The following PCDH7 variants were observed in gnomAD, a reference collection of about 807,000 sequenced individuals.
PCDH7 encodes the protein protocadherin 7, also known as protocadherin-7.
In PCDH7, 17 loss-of-function variants were observed where a neutral mutation model predicts 58.9. The observed-to-expected ratio is 0.29, with a 90% CI of 0.20 to 0.43. The LOEUF is 0.43. Ranked by LOEUF, PCDH7 falls within the 20% of genes least tolerant of loss-of-function variation. PCDH7 has a pLI of 1.00. For missense variants in PCDH7, 1,274 were observed against 1,441.0 expected (o/e 0.88, Z 1.88); for synonymous variants, 664 against 616.4 (o/e 1.08, Z -1.14).
intron 1 of PCDH7, among the ~76,000 whole-genome samples, chr4:30,748,753 C>T (rs116476359): frequency 0.016 from 2,507 of 152,196 alleles, 33 homozygotes; most frequent in South Asian, 0.032. Flanking sequence ...GTGATATTGG[C>T]CATTCAGGGG....
chr4:30,905,881 C>T (rs528441603), intron 1 of PCDH7, among the ~76,000 whole-genome samples: 2 of 152,292 alleles, frequency 1.3e-5, no homozygotes, highest in African/African-American at 2.4e-5. Flanking sequence ...TAAATGAGAT[C>T]TTGCAGCCTT....
intron 3 of PCDH7, among the ~76,000 whole-genome samples, chr4:31,139,572 A>G (rs912445940): frequency 3.3e-5 from 5 of 152,254 alleles, no homozygotes; most frequent in Non-Finnish European, 2.9e-5. Flanking sequence ...AAGATCCTGC[A>G]TAAATTTTGT....
At chr4:30,779,857 G>A (rs1722561908) in intron 1 of PCDH7, among the ~76,000 whole-genome samples, 1 of 152,058 alleles carries the variant, frequency 6.6e-6, no homozygotes, top group Non-Finnish European at 1.5e-5. Context: ...CAATTTTAGT[G>A]TCATTTAAGG....
intron 3 of PCDH7, among the ~76,000 whole-genome samples, chr4:31,068,215 T>TA (rs760599890): frequency 1.3e-5 from 2 of 151,530 alleles, no homozygotes; most frequent in Non-Finnish European, 2.9e-5. Flanking sequence ...AAGTAGATAA[T>TA]ACAGGAGTAG....
chr4:30,921,876 A>G (rs1215056019), intron 2 of PCDH7, among the ~76,000 whole-genome samples: 1 of 151,870 alleles, frequency 6.6e-6, no homozygotes, highest in Non-Finnish European at 1.5e-5. Context: ...ATACTATGTA[A>G]TTACATATGT....
downstream of PCDH7, among the ~76,000 whole-genome samples, chr4:30,733,421 C>A (rs773627091): frequency 6.6e-5 from 10 of 151,956 alleles, no homozygotes; most frequent in Non-Finnish European, 1.3e-4. Flanking sequence ...AAGATGATAA[C>A]AGGGCAGAAA....
chr4:31,089,460 G>C (rs138116481), intron 3 of PCDH7, among the ~76,000 whole-genome samples: 247 of 152,016 alleles, frequency 1.6e-3, no homozygotes, highest in African/African-American at 5.6e-3. Context: ...ACTTTTGTGT[G>C]AAGCTGGGTA....
intron 3 of PCDH7, among the ~76,000 whole-genome samples, chr4:31,016,892 T>C (rs1753657619): frequency 6.7e-6 from 1 of 149,922 alleles, no homozygotes; most frequent in Admixed American, 6.7e-5. Context: ...TATGTGTGTG[T>C]GCTGGGTGTG....
At chr4:31,006,234 C>G (rs774054564) in intron 3 of PCDH7, among the ~76,000 whole-genome samples, 6 of 152,136 alleles carry the variant, frequency 3.9e-5, no homozygotes, top group Non-Finnish European at 8.8e-5. Context: ...TTAATTGTAA[C>G]ACATTTTCAC....
intron 1 of PCDH7, among the ~76,000 whole-genome samples, chr4:30,876,435 T>C (rs948099225): frequency 6.6e-5 from 10 of 152,096 alleles, no homozygotes; most frequent in Non-Finnish European, 1.3e-4. Context: ...TTTAAATAAA[T>C]TGATATTGGT....
chr4:31,114,632 AACAC>A (rs34203962), intron 3 of PCDH7, among the ~76,000 whole-genome samples: 1,914 of 143,596 alleles, frequency 0.013, 23 homozygotes, highest in Middle Eastern at 0.018. Flanking sequence ...CACACATACA[AACAC>A]ACACACACAC....
chr4:30,868,002 A>T (rs564550277), intron 1 of PCDH7, among the ~76,000 whole-genome samples: 9 of 152,130 alleles, frequency 5.9e-5, no homozygotes, highest in Admixed American at 3.9e-4. Flanking sequence ...CTCAAATTTG[A>T]AGCCACATTA....
chr4:31,118,504 T>C (rs1322787777), intron 3 of PCDH7, among the ~76,000 whole-genome samples: 1 of 152,152 alleles, frequency 6.6e-6, no homozygotes, highest in African/African-American at 2.4e-5. Flanking sequence ...AAGAAAGATT[T>C]TAGCTGAAAA....
intron 3 of PCDH7, among the ~76,000 whole-genome samples, chr4:31,065,645 C>T (rs1368050283): frequency 6.6e-6 from 1 of 151,896 alleles, no homozygotes; most frequent in Admixed American, 6.6e-5. Context: ...TCAATCAGCA[C>T]GTACCGAGTA....
chr4:30,799,710 G>T (rs193195903), intron 1 of PCDH7, among the ~76,000 whole-genome samples: 28 of 152,144 alleles, frequency 1.8e-4, no homozygotes, highest in Admixed American at 5.9e-4. Flanking sequence ...AATTGAAAGA[G>T]TTAAAAGTTT....
intron 1 of PCDH7, among the ~76,000 whole-genome samples, chr4:30,752,798 A>T (rs1026393592): frequency 4.7e-5 from 7 of 150,362 alleles, no homozygotes; most frequent in African/African-American, 1.7e-4. Flanking sequence ...AAAAAAAAAA[A>T]AAAAGAAAGA....
At chr4:31,099,345 T>A (rs1714595687) in intron 3 of PCDH7, among the ~76,000 whole-genome samples, 1 of 152,208 alleles carries the variant, frequency 6.6e-6, no homozygotes, top group African/African-American at 2.4e-5. Flanking sequence ...CAGGGGGATC[T>A]GCCTAAAGGT....
At chr4:30,879,535 T>C (rs536733989) in intron 1 of PCDH7, among the ~76,000 whole-genome samples, 1 of 152,240 alleles carries the variant, frequency 6.6e-6, no homozygotes, top group East Asian at 1.9e-4. Flanking sequence ...CCTTTTACAT[T>C]CAAGTCTGTC....
intron 3 of PCDH7, among the ~76,000 whole-genome samples, chr4:31,052,985 G>T (rs1036359284): frequency 6.6e-6 from 1 of 151,188 alleles, no homozygotes; most frequent in African/African-American, 2.4e-5. Context: ...CTATCTATTC[G>T]TCACGAGTCA....
Sources: allele counts gnomAD v4.1 joint callset (sites outside exome capture counted in the v4.1 genomes callset), GRCh38; gene constraint gnomAD v4.1.1; transcripts MANE v1.5; gene names NCBI Gene and HGNC (gene_info 2026-07-23, HGNC 2026-07-21).